ZC3H3: variants seen among roughly 807,000 people sequenced by gnomAD.
The protein encoded by ZC3H3 is zinc finger CCCH-type containing 3, also known as zinc finger CCCH domain-containing protein 3.
ZC3H3 carries 36 observed loss-of-function variants against 77.3 expected under a neutral mutation model. That is an observed-to-expected ratio of 0.47 (90% confidence interval 0.36 to 0.61). ZC3H3 has a LOEUF of 0.61. Among genes scored for constraint, ZC3H3 ranks in the 20% least tolerant of loss-of-function variants. ZC3H3 has a pLI of 0.00. For missense variants in ZC3H3, 1,331 were observed against 1,312.2 expected (o/e 1.01, Z -0.22); for synonymous variants, 626 against 555.2 (o/e 1.13, Z -1.79).
chr8:143,514,915 G>A (rs545032158), intron 3 of ZC3H3, among the ~76,000 whole-genome samples: 31 of 152,330 alleles, frequency 2.0e-4, no homozygotes, highest in Non-Finnish European at 4.1e-4. Flanking sequence ...GCCCATGTGC[G>A]GCTAGGCCCG....
At chr8:143,455,410 C>T (rs35241038) in intron 9 of ZC3H3, among the ~76,000 whole-genome samples, 8,286 of 151,822 alleles carry the variant, frequency 0.055, 296 homozygotes, top group Non-Finnish European at 0.079. Flanking sequence ...GCAGGAGAAT[C>T]GCTTGAACCC....
intron 5 of ZC3H3, among the ~76,000 whole-genome samples, chr8:143,474,720 CTT>C (rs1231559986): frequency 6.6e-6 from 1 of 151,616 alleles, no homozygotes; most frequent in Non-Finnish European, 1.5e-5. Context: ...CAATCTCCCT[CTT>C]TTTTTTTGAT....
intron 4 of ZC3H3, among the ~76,000 whole-genome samples, chr8:143,492,158 G>A (rs568764456): frequency 2.6e-5 from 4 of 152,332 alleles, no homozygotes; most frequent in South Asian, 2.1e-4. Context: ...AGGCCTAAGA[G>A]GCACAGAGAT....
chr8:143,441,791 T>C (rs941353540), intron 9 of ZC3H3, among the ~76,000 whole-genome samples: 1 of 152,280 alleles, frequency 6.6e-6, no homozygotes, highest in Non-Finnish European at 1.5e-5. Context: ...CTGCCCTTCC[T>C]CTGCCCACCC....
At chr8:143,521,361 C>T (rs1293309126) in intron 3 of ZC3H3, among the ~76,000 whole-genome samples, 1 of 136,800 alleles carries the variant, frequency 7.3e-6, no homozygotes, top group Non-Finnish European at 1.7e-5. Context: ...CTGGTACCCC[C>T]TCCCAGGTCT....
At chr8:143,445,218 C>T (rs1179327033) in intron 9 of ZC3H3, among the ~76,000 whole-genome samples, 1 of 151,870 alleles carries the variant, frequency 6.6e-6, no homozygotes, top group Non-Finnish European at 1.5e-5. Flanking sequence ...CCTGTCTCTA[C>T]TAAAAATACA....
intron 5 of ZC3H3, among the ~76,000 whole-genome samples, chr8:143,469,969 G>A (rs541999914): frequency 6.6e-6 from 1 of 152,202 alleles, no homozygotes; most frequent in Non-Finnish European, 1.5e-5. Context: ...GGTTTAAAAA[G>A]GGATGTCCCA....
At position 143,494,894 on chromosome 8, in the gene ZC3H3, G is replaced by A. The variant is rs1452654142; in HGVS notation, c.1715+12852C>T. Among the ~76,000 whole-genome samples, 1 of 152,212 alleles carries A rather than the reference G, an allele frequency of 6.6e-6. No homozygotes were observed. Among genetic ancestry groups the A allele is most frequent in the African/African-American group, 2.4e-5 (1 of 41,436 alleles). Reference sequence around the variant, plus strand: ...CAGTGGCCTTACGTTAGCCCGAGCAGGTACTCAACATCACTGGACACCAGG... The same window carrying A: ...CAGTGGCCTTACGTTAGCCCGAGCAAGTACTCAACATCACTGGACACCAGG... On this transcript the variant is annotated intron_variant, in intron 4 of 11. Transcript: ENST00000262577. This position sits in a 1 kb window ranked among gnomAD's most constrained non-coding sequence, Gnocchi z 5.3.
intron 9 of ZC3H3, among the ~76,000 whole-genome samples, chr8:143,454,990 TAGGTAAAA>T (rs1409881193): frequency 1.3e-5 from 2 of 151,858 alleles, no homozygotes; most frequent in African/African-American, 4.8e-5. Flanking sequence ...ATGCTTCCTT[TAGGTAAAA>T]AGGTCAAAGT....
intron 5 of ZC3H3, among the ~76,000 whole-genome samples, chr8:143,469,024 TGGCCA>T (rs1820491096): frequency 6.6e-6 from 1 of 152,230 alleles, no homozygotes; most frequent in Admixed American, 6.5e-5. Context: ...GCTGCCTCCC[TGGCCA>T]GGCTCCCCAG....
At chr8:143,510,461 C>T (rs1057332001) in intron 3 of ZC3H3, among the ~76,000 whole-genome samples, 1 of 152,222 alleles carries the variant, frequency 6.6e-6, no homozygotes, top group African/African-American at 2.4e-5. Flanking sequence ...AGGGCACAGC[C>T]GGACAGATGG....
chr8:143,480,735 G>A (rs1820886197), intron 4 of ZC3H3, among the ~76,000 whole-genome samples: 1 of 152,218 alleles, frequency 6.6e-6, no homozygotes, highest in Admixed American at 6.5e-5. Context: ...CCCTGCCATG[G>A]GCACTGCCTG....
intron 9 of ZC3H3, among the ~76,000 whole-genome samples, chr8:143,452,456 G>A (rs73715603): frequency 0.013 from 1,972 of 152,308 alleles, 40 homozygotes; most frequent in African/African-American, 0.044. Context: ...CACAGAAAGT[G>A]GCTGCTCACA....
intron 3 of ZC3H3, among the ~76,000 whole-genome samples, chr8:143,512,872 G>A (rs12543128): frequency 0.67 from 101,370 of 152,122 alleles, 34,756 homozygotes; most frequent in South Asian, 0.8. Flanking sequence ...GCTCAGTGGC[G>A]CGGGGAGGTA....
intron 4 of ZC3H3, among the ~76,000 whole-genome samples, chr8:143,503,005 C>T (rs1001517627): frequency 1.3e-5 from 2 of 152,212 alleles, no homozygotes; most frequent in Non-Finnish European, 2.9e-5. Context: ...CCAGGGTCCC[C>T]GAGCCAGAGC....
Position 143,441,036 on chromosome 8 carries a change from G to T in ZC3H3, c.2392C>A (p.Arg798Ser). 1.3e-6 allele frequency: 2 copies of T among 1,488,292 alleles called. No homozygotes were observed. 92.2% of individuals were successfully genotyped at this position (1,488,292 alleles called of 1,614,324 possible). A position where few individuals can be genotyped will look rare whatever the true frequency, so the allele number is the denominator to read the frequency against. Reference sequence around the variant, plus strand: ...CGCCGACTGTGGCGTTTCTGGGTACGGTGGAGCAGCTGGCACTGGGCGCCG... The same window carrying T: ...CGCCGACTGTGGCGTTTCTGGGTACTGTGGAGCAGCTGGCACTGGGCGCCG... Reference protein sequence around the residue: ...PRGAQCQLLHRTQKRHSRRAA... With the variant: ...PRGAQCQLLHSTQKRHSRRAA... The change falls in exon 10 of 12, where the codon CGT becomes AGT. Residue 798 changes from arginine (R) to serine (S), a missense_variant. Transcript: ENST00000262577.
intron 5 of ZC3H3, among the ~76,000 whole-genome samples, chr8:143,473,324 C>T (rs1010793715): frequency 6.6e-5 from 10 of 152,124 alleles, no homozygotes; most frequent in Non-Finnish European, 1.3e-4. Context: ...CCTTCTGGGC[C>T]CTCTCAGTTT....
chr8:143,523,574 G>C (rs1369758317), intron 3 of ZC3H3: 2 of 978,660 alleles, frequency 2.0e-6, no homozygotes, highest in African/African-American at 3.5e-5. Flanking sequence ...GAGGCAGTAG[G>C]AGACCACAGC....
At chr8:143,466,545 C>T (rs1217511178) in intron 8 of ZC3H3, among the ~76,000 whole-genome samples, 1 of 152,248 alleles carries the variant, frequency 6.6e-6, no homozygotes, top group Non-Finnish European at 1.5e-5. Context: ...GGGGGAACCT[C>T]AGGCCTAAGG....
Sources: allele counts gnomAD v4.1 joint callset (sites outside exome capture counted in the v4.1 genomes callset), GRCh38; gene constraint gnomAD v4.1.1; non-coding constraint Gnocchi (gnomAD v3.1); transcripts MANE v1.5; gene names NCBI Gene and HGNC (gene_info 2026-07-23, HGNC 2026-07-21).